MARCHF10: variants seen among roughly 807,000 people sequenced by gnomAD.
MARCHF10 encodes the protein probable E3 ubiquitin-protein ligase MARCHF10.
In MARCHF10, 64 loss-of-function variants were observed where a neutral mutation model predicts 76.2. The observed-to-expected ratio is 0.84, with a 90% CI of 0.69 to 1.03. The LOEUF (loss-of-function observed/expected upper bound fraction) is 1.03, where lower values mean the gene tolerates loss of function less well. Among genes scored for constraint, MARCHF10 ranks in the 50% least tolerant of loss-of-function variants. The pLI is 0.00. For synonymous variants in MARCHF10, 340 were observed against 357.5 expected (o/e 0.95, Z 0.55); for missense variants, 875 against 958.0 (o/e 0.91, Z 1.14).
chr17:62,724,900 T>C (rs1568114716), intron 7 of MARCHF10, 38 bp downstream of exon 7: 1 of 1,604,954 alleles, frequency 6.2e-7, no homozygotes, highest in Non-Finnish European at 8.5e-7. Flanking sequence ...GTTAATTACA[T>C]GTCGTGGCAC....
In MARCHF10 at chr17:62,738,269, A is replaced by G. The variant is rs962599597; in HGVS notation, c.536-937T>C. ...GCTCGATACTAGGGTTTGTGTTCTT[A>G]ACCACCACCCTGTGTTAGCCCTTAA... On this transcript the variant is annotated intron_variant, in intron 5 of 10. Coordinates refer to ENST00000311269, the MANE Select transcript of MARCHF10 (RefSeq NM_152598.4). This position sits in a 1 kb window ranked among gnomAD's most constrained non-coding sequence, Gnocchi z 4.0. Among the ~76,000 whole-genome samples the G allele has an allele frequency of 2.6e-5, 4 of 152,196 alleles. No homozygotes were observed. Among genetic ancestry groups the G allele is most frequent in the Non-Finnish European group, 5.9e-5 (4 of 68,022 alleles).
At chr17:62,760,935 C>T (rs1343274730) in intron 3 of MARCHF10, among the ~76,000 whole-genome samples, 1 of 152,212 alleles carries the variant, frequency 6.6e-6, no homozygotes, top group African/African-American at 2.4e-5. Flanking sequence ...TGGTCTTTTG[C>T]AGGCATAGAA....
At chr17:62,799,488 A>C (rs535689756) in intron 2 of MARCHF10, among the ~76,000 whole-genome samples, 1 of 152,142 alleles carries the variant, frequency 6.6e-6, no homozygotes, top group Non-Finnish European at 1.5e-5. Flanking sequence ...TGGCTTATGC[A>C]TGTGATCCCA....
intron 8 of MARCHF10, among the ~76,000 whole-genome samples, chr17:62,721,405 T>C (rs2090481363): frequency 6.6e-6 from 1 of 152,026 alleles, no homozygotes; most frequent in Admixed American, 6.6e-5. Context: ...TTGGTGTGTA[T>C]GTGACACTTA....
At chr17:62,713,861 G>C (rs1203645783) in intron 8 of MARCHF10, among the ~76,000 whole-genome samples, 2 of 152,118 alleles carry the variant, frequency 1.3e-5, no homozygotes, top group Admixed American at 6.5e-5. Context: ...AAAGGAGAAG[G>C]CATGTGAAAC....
At chr17:62,727,412 T>C (rs535742901) in intron 6 of MARCHF10, among the ~76,000 whole-genome samples, 176 of 152,250 alleles carry the variant, frequency 1.2e-3, no homozygotes, top group African/African-American at 4.0e-3. Context: ...CTCACACCTG[T>C]AATCCTAGCA....
chr17:62,784,091 G>A (rs1022149464), intron 3 of MARCHF10, among the ~76,000 whole-genome samples: 6 of 151,992 alleles, frequency 3.9e-5, no homozygotes, highest in African/African-American at 4.8e-5. Flanking sequence ...TTTTAGACCA[G>A]TATCCCTGAT....
intron 3 of MARCHF10, among the ~76,000 whole-genome samples, chr17:62,779,384 G>C (rs1263177451): frequency 2.0e-5 from 3 of 152,210 alleles, no homozygotes; most frequent in Admixed American, 2.0e-4. Context: ...CTAAGCCGTG[G>C]CTGCTTTCAT....
At chr17:62,762,856 C>T (rs1445544172) in intron 3 of MARCHF10, among the ~76,000 whole-genome samples, 1 of 152,170 alleles carries the variant, frequency 6.6e-6, no homozygotes, top group Non-Finnish European at 1.5e-5. Flanking sequence ...TATCCTCTTT[C>T]ATGAAACCCC....
chr17:62,786,481 T>G (rs996259535), intron 3 of MARCHF10, among the ~76,000 whole-genome samples: 1 of 152,166 alleles, frequency 6.6e-6, no homozygotes, highest in Admixed American at 6.5e-5. Flanking sequence ...AGTATATCTA[T>G]GTAACAAACC....
At chr17:62,777,098 A>G (rs145435160) in intron 3 of MARCHF10, among the ~76,000 whole-genome samples, 16 of 152,320 alleles carry the variant, frequency 1.1e-4, no homozygotes, top group African/African-American at 2.6e-4. Context: ...TCCAAGTCAC[A>G]TTATCCCCTT....
At chr17:62,728,527 T>G (rs1299740933) in intron 6 of MARCHF10, among the ~76,000 whole-genome samples, 1 of 151,970 alleles carries the variant, frequency 6.6e-6, no homozygotes, top group Non-Finnish European at 1.5e-5. Flanking sequence ...CCAGCATGAA[T>G]GAGAGGGGAC....
intron 6 of MARCHF10, among the ~76,000 whole-genome samples, chr17:62,730,993 A>G (rs2091002283): frequency 6.6e-6 from 1 of 152,250 alleles, no homozygotes; most frequent in South Asian, 2.1e-4. Context: ...AATGAAATCT[A>G]GAACCATAAG....
At chr17:62,770,206 T>C (rs972236315) in intron 3 of MARCHF10, among the ~76,000 whole-genome samples, 6 of 152,240 alleles carry the variant, frequency 3.9e-5, no homozygotes, top group African/African-American at 1.4e-4. Context: ...GTTTCTTTCT[T>C]TTTTATGACT....
chr17:62,754,819 C>T (rs2147923079), intron 4 of MARCHF10, among the ~76,000 whole-genome samples: 1 of 152,238 alleles, frequency 6.6e-6, no homozygotes, highest in South Asian at 2.1e-4. Context: ...AGTTCCTGGA[C>T]ACCAGTTGGA....
At chr17:62,783,806 C>T (rs2092703123) in intron 3 of MARCHF10, among the ~76,000 whole-genome samples, 1 of 152,152 alleles carries the variant, frequency 6.6e-6, no homozygotes, top group Admixed American at 6.5e-5. Flanking sequence ...CACATACACC[C>T]TCCCAAGATT....
rs2091364459 is a variant in MARCHF10, at chr17:62,738,101, A to ACACAC, written c.536-770_536-769insGTGTG. Among the ~76,000 whole-genome samples the ACACAC allele has an allele frequency of 2.5e-5, 1 of 40,182 alleles. No individual in the cohort carries two copies. Among genetic ancestry groups the ACACAC allele is most frequent in the Non-Finnish European group, 5.5e-5 (1 of 18,202 alleles). The allele number at this position is 40,182 out of a possible 152,430, so 26.4% of individuals were successfully genotyped here. ...ACACACACACACACACACACACACA[A>ACACAC]CTTAAGCCTCACAACCCTGTGAAAT... On this transcript the variant is annotated intron_variant, in intron 5 of 10. Coordinates refer to ENST00000311269, the MANE Select transcript of MARCHF10 (RefSeq NM_152598.4). This position sits in a 1 kb window ranked among gnomAD's most constrained non-coding sequence, Gnocchi z 4.0.
chr17:62,767,944 A>G (rs2092370823), intron 3 of MARCHF10, among the ~76,000 whole-genome samples: 1 of 152,178 alleles, frequency 6.6e-6, no homozygotes, highest in Non-Finnish European at 1.5e-5. Context: ...TATGAGCAGA[A>G]GCAATGTGTG....
At chr17:62,705,099 G>A (rs2089494869) in intron 10 of MARCHF10, 3 of 1,073,056 alleles carry the variant, frequency 2.8e-6, no homozygotes, top group South Asian at 2.9e-5. Flanking sequence ...AATCCACCAA[G>A]GCCACTAGCT....
Sources: gnomAD v4.1 joint callset for allele counts (sites outside exome capture counted in the v4.1 genomes callset) on GRCh38, gnomAD v4.1.1 for gene constraint, Gnocchi (gnomAD v3.1) non-coding constraint, MANE v1.5 for transcripts, NCBI Gene and HGNC (gene_info 2026-07-23, HGNC 2026-07-21) for gene names.